The following OSBPL3 variants were observed in gnomAD, a reference collection of about 807,000 sequenced individuals.
OSBPL3 encodes the protein oxysterol-binding protein-related protein 3.
A neutral mutation model predicts 120.1 loss-of-function variants in OSBPL3; 65 were observed. The ratio of observed to expected loss-of-function variants is 0.54; its 90% CI spans 0.44 to 0.67. The LOEUF is 0.67. OSBPL3 is among the 30% of genes least tolerant of loss of function. OSBPL3 has a pLI of 0.00. For synonymous variants in OSBPL3, 416 were observed against 402.6 expected, an observed-to-expected ratio of 1.03 and a Z score of -0.40; for missense variants, 1,004 against 1,082.1, an observed-to-expected ratio of 0.93 and a Z score of 1.01.
chr7:24,980,035 G>T lies in OSBPL3; in HGVS notation c.-299C>A. The T allele has an allele frequency of 1.0e-6, 1 of 985,432 alleles. No individual in the cohort carries two copies. 61.0% of individuals were successfully genotyped at this position (985,432 alleles called of 1,614,324 possible). A position where few individuals can be genotyped will look rare whatever the true frequency, so the allele number is the denominator to read the frequency against. On this transcript the variant is annotated 5_prime_UTR_variant, in exon 1 of 23. Transcript: ENST00000313367. Reference sequence around the variant, plus strand: ...CCCGCACCGGCCGCAGGAGTCGGGGGCGGGGATGGCCACTTGCAGACAGAC... The same window carrying T: ...CCCGCACCGGCCGCAGGAGTCGGGGTCGGGGATGGCCACTTGCAGACAGAC...
At position 24,863,613 on chromosome 7, in the gene OSBPL3, G is replaced by A. The variant is rs1800899399; in HGVS notation, c.674-14C>T. 6.4e-7 allele frequency: 1 copy of A among 1,554,420 alleles called. No individual in the cohort carries two copies. The highest frequency in any genetic ancestry group is 8.9e-7 in the Non-Finnish European group (1 of 1,125,562). ...AGTGCGCCAGGTCTGTGGGGGAAAA[G>A]AGGACAGTGCTCACAATGCTCCACT... On this transcript the variant is annotated splice_polypyrimidine_tract_variant and intron_variant, in intron 7 of 22. Transcript: ENST00000313367. The surrounding 1 kb of genome is among the most constrained non-coding windows in gnomAD (Gnocchi z 5.8).
rs1369700760 is a variant in OSBPL3, at chr7:24,965,521, T to C, written c.-150+14365A>G. On this transcript the variant is annotated intron_variant, in intron 1 of 22. Transcript: ENST00000313367. The surrounding 1 kb of genome is among the most constrained non-coding windows in gnomAD (Gnocchi z 4.3). ...TCTCTGGTTCTTCTCGGAATCAGAA[T>C]GGACTCCAGGCTGGTTAAGACTTGG... Among the ~76,000 whole-genome samples the C allele has an allele frequency of 6.6e-6, 1 of 152,216 alleles. No individual in the cohort carries two copies. Among genetic ancestry groups the C allele is most frequent in the Non-Finnish European group, 1.5e-5 (1 of 68,036 alleles).
intron 14 of OSBPL3, among the ~76,000 whole-genome samples, chr7:24,838,705 A>G (rs1211309947): frequency 6.6e-6 from 1 of 152,164 alleles, no homozygotes; most frequent in Non-Finnish European, 1.5e-5. Flanking sequence ...CATAGACTCA[A>G]AGAAATGGAG....
At position 24,896,372 on chromosome 7, in the gene OSBPL3, C is replaced by A. The variant is rs1806135177; in HGVS notation, c.-149-3751G>T. Among the ~76,000 whole-genome samples, 1 of 152,218 alleles carries A rather than the reference C, an allele frequency of 6.6e-6. No homozygotes were observed. The highest frequency in any genetic ancestry group is 6.5e-5 in the Admixed American group (1 of 15,288). On this transcript the variant is annotated intron_variant, in intron 1 of 22. Transcript: ENST00000313367. The surrounding 1 kb of genome is among the most constrained non-coding windows in gnomAD (Gnocchi z 4.4). ...ACCACTGCCACCCACCTTTGAGAAG[C>A]TGATGGGTCAGGACTGTGTGAAACG... is the stretch of plus-strand genomic sequence containing the variant.
intron 1 of OSBPL3, 128 bp downstream of exon 1, chr7:24,979,758 G>C: frequency 2.3e-6 from 1 of 435,836 alleles, no homozygotes; most frequent in Non-Finnish European, 3.0e-6. Context: ...GCCTCCCCGG[G>C]CGACTCGGAC....
In OSBPL3 at chr7:24,803,761, ACT is replaced by A. The variant is rs1792672057; in HGVS notation, c.2567+552_2567+553del. On this transcript the variant is annotated intron_variant, in intron 22 of 22. Transcript: ENST00000313367. This position sits in a 1 kb window ranked among gnomAD's most constrained non-coding sequence, Gnocchi z 4.2. ...ACTCCAGCCTGGGTGACAGAGCGAG[ACT>A]CTGTATCAGAAAAAAAAAAAATTAT... 6.6e-6 allele frequency among the ~76,000 whole-genome samples: 1 copy of A among 151,294 alleles called. No individual in the cohort carries two copies. Among genetic ancestry groups the A allele is most frequent in the Non-Finnish European group, 1.5e-5 (1 of 67,720 alleles).
At chr7:24,979,643 C>T (rs531169584) in intron 1 of OSBPL3, among the ~76,000 whole-genome samples, 80 of 152,216 alleles carry the variant, frequency 5.3e-4, no homozygotes, top group African/African-American at 1.9e-3. Context: ...TCTGAGCCGT[C>T]CCTCGAGGGA....
intron 1 of OSBPL3, among the ~76,000 whole-genome samples, chr7:24,909,783 C>CTTTTT (rs10591188): frequency 7.0e-3 from 540 of 77,238 alleles, no homozygotes; most frequent in East Asian, 8.0e-3. Context: ...TTTTTTCTTT[C>CTTTTT]TTTTTTTTTT....
rs1210067997 is a variant in OSBPL3, at chr7:24,903,885, T to A, written c.-149-11264A>T. Among the ~76,000 whole-genome samples the A allele has an allele frequency of 2.0e-5, 3 of 147,542 alleles. No individual in the cohort carries two copies. In the East Asian group the frequency reaches 5.9e-4, roughly 29 times the overall value. On this transcript the variant is annotated intron_variant, in intron 1 of 22. Transcript: ENST00000313367. Reference sequence around the variant, plus strand: ...TGGCTACCATGTTCTCACCACCAATTTTTTTTTTTTTTTTTGAGACAGACT... The same window carrying A: ...TGGCTACCATGTTCTCACCACCAATATTTTTTTTTTTTTTTGAGACAGACT...
intron 19 of OSBPL3, among the ~76,000 whole-genome samples, chr7:24,812,328 C>G (rs936569668): frequency 7.2e-6 from 1 of 139,768 alleles, no homozygotes; most frequent in African/African-American, 2.7e-5. Flanking sequence ...AAAAAAAGAA[C>G]AAGAACAAGA....
intron 5 of OSBPL3, among the ~76,000 whole-genome samples, chr7:24,869,525 T>C (rs1244261719): frequency 6.6e-6 from 1 of 152,240 alleles, no homozygotes; most frequent in African/African-American, 2.4e-5. Flanking sequence ...CACCTGGCAA[T>C]GTCTGGAGAC....
intron 1 of OSBPL3, among the ~76,000 whole-genome samples, chr7:24,956,967 C>A (rs992751294): frequency 2.0e-5 from 3 of 152,090 alleles, no homozygotes; most frequent in African/African-American, 7.2e-5. Flanking sequence ...TTGGGCACAT[C>A]CCTTTACAAG....
Position 24,899,334 on chromosome 7 carries a change from G to GC in OSBPL3, c.-149-6714dup, listed in dbSNP as rs1237492556. 6.6e-6 allele frequency among the ~76,000 whole-genome samples: 1 copy of GC among 152,208 alleles called. No homozygotes were observed. Among genetic ancestry groups the GC allele is most frequent in the African/African-American group, 2.4e-5 (1 of 41,464 alleles). Reference sequence around the variant, plus strand: ...ATTTGCCTTAGCTTTGGGGGAACTTGCATCTCTTTCCAGTTCTCAGTGTTC... The same window carrying GC: ...ATTTGCCTTAGCTTTGGGGGAACTTGCCATCTCTTTCCAGTTCTCAGTGTTC... On this transcript the variant is annotated intron_variant, in intron 1 of 22. Coordinates refer to ENST00000313367, the MANE Select transcript of OSBPL3 (RefSeq NM_015550.4). The surrounding 1 kb of genome is among the most constrained non-coding windows in gnomAD (Gnocchi z 4.0).
Position 24,870,855 on chromosome 7 carries a change from C to T in OSBPL3, c.268-10G>A, listed in dbSNP as rs774651913. 1.2e-4 allele frequency: 184 copies of T among 1,572,284 alleles called. No homozygotes were observed. Among genetic ancestry groups the T allele is most frequent in the Non-Finnish European group, 1.6e-4 (179 of 1,142,030 alleles). On this transcript the variant is annotated splice_polypyrimidine_tract_variant and intron_variant, in intron 4 of 22. Coordinates refer to ENST00000313367, the MANE Select transcript of OSBPL3 (RefSeq NM_015550.4). The stretch of plus-strand genomic sequence containing the variant: ...GCTTCTCTCTCTCTATCTGCAGAGG[C>T]ACCAAGAGGGTCACTTGGGGACCAT...
At position 24,953,805 on chromosome 7, in the gene OSBPL3, A is replaced by G. The variant is rs547011631; in HGVS notation, c.-150+26081T>C. Among the ~76,000 whole-genome samples the G allele has an allele frequency of 6.6e-6, 1 of 152,344 alleles. No homozygotes were observed. The highest frequency in any genetic ancestry group is 1.5e-5 in the Non-Finnish European group (1 of 68,024). On this transcript the variant is annotated intron_variant, in intron 1 of 22. Coordinates refer to ENST00000313367, the MANE Select transcript of OSBPL3 (RefSeq NM_015550.4). The surrounding 1 kb of genome is among the most constrained non-coding windows in gnomAD (Gnocchi z 4.3). ...ATGGTCAATGCCTGACTCTCCATTAAATGTTCAACGGCATGAACTAGAAGC... is the reference window on the plus strand; with the variant it reads ...ATGGTCAATGCCTGACTCTCCATTAGATGTTCAACGGCATGAACTAGAAGC...
At position 24,830,445 on chromosome 7, in the gene OSBPL3, G is replaced by A. The variant is rs576816545; in HGVS notation, c.1884+323C>T. 5.6e-4 allele frequency among the ~76,000 whole-genome samples: 85 copies of A among 152,322 alleles called. No individual in the cohort carries two copies. Among genetic ancestry groups the A allele is most frequent in the Non-Finnish European group, 8.2e-4 (56 of 68,034 alleles). ...AATAATGATGTCAGTGTGTTAGGGA[G>A]CAATGTTAAACCTCTAAATTGAAGT... is the stretch of plus-strand genomic sequence containing the variant. On this transcript the variant is annotated intron_variant, in intron 16 of 22. Transcript: ENST00000313367. This position sits in a 1 kb window ranked among gnomAD's most constrained non-coding sequence, Gnocchi z 4.4.
In OSBPL3 at chr7:24,834,245, A is replaced by G; in HGVS notation, c.1746+241T>C. 1 of 1,286,316 alleles carries G rather than the reference A, an allele frequency of 7.8e-7. No homozygotes were observed. Among genetic ancestry groups the G allele is most frequent in the South Asian group, 2.3e-5 (1 of 42,844 alleles). The allele number at this position is 1,286,316 out of a possible 1,614,324, so 79.7% of individuals were successfully genotyped here. On this transcript the variant is annotated intron_variant, in intron 15 of 22. Coordinates refer to ENST00000313367, the MANE Select transcript of OSBPL3 (RefSeq NM_015550.4). This position sits in a 1 kb window ranked among gnomAD's most constrained non-coding sequence, Gnocchi z 5.2. The stretch of plus-strand genomic sequence containing the variant: ...AAGAGGAAGCACAAACCCACAGAAC[A>G]GAACTACCCCAGGCACCAAGTGCCA...
intron 14 of OSBPL3, among the ~76,000 whole-genome samples, chr7:24,838,627 C>T (rs1277971528): frequency 6.6e-6 from 1 of 152,166 alleles, no homozygotes; most frequent in African/African-American, 2.4e-5. Flanking sequence ...AGGTTCTGAA[C>T]CATGTCCTCT....
In OSBPL3 at chr7:24,892,572, T is replaced by G; in HGVS notation, c.-100A>C. ...CCAGTGGCAGGTGGTTTAGCTCTTATCCAAAGTATTTAAAAAACATTTTGG... is the reference window on the plus strand; with the variant it reads ...CCAGTGGCAGGTGGTTTAGCTCTTAGCCAAAGTATTTAAAAAACATTTTGG... On this transcript the variant is annotated 5_prime_UTR_variant, in exon 2 of 23. Transcript: ENST00000313367. 1 of 1,465,274 alleles carries G rather than the reference T, an allele frequency of 6.8e-7. No individual in the cohort carries two copies. Among genetic ancestry groups the G allele is most frequent in the Non-Finnish European group, 9.1e-7 (1 of 1,096,248 alleles). The allele number at this position is 1,465,274 out of a possible 1,614,324, so 90.8% of individuals were successfully genotyped here.
Sources: gnomAD v4.1 joint callset for allele counts (sites outside exome capture counted in the v4.1 genomes callset) on GRCh38, gnomAD v4.1.1 for gene constraint, Gnocchi (gnomAD v3.1) non-coding constraint, MANE v1.5 for transcripts, NCBI Gene and HGNC (gene_info 2026-07-23, HGNC 2026-07-21) for gene names.